The following NCR1 variants were observed in gnomAD, a reference collection of about 807,000 sequenced individuals.
NCR1 encodes the protein NK cell-activating receptor.
Under a neutral mutation model 32.5 loss-of-function variants are expected in NCR1, and 30 were observed. The ratio of observed to expected loss-of-function variants is 0.92; its 90% confidence interval spans 0.69 to 1.25. The LOEUF (loss-of-function observed/expected upper bound fraction) is 1.25. Among genes scored for constraint, NCR1 ranks in the 50% most tolerant of loss-of-function variants. The pLI, the probability that NCR1 is intolerant of heterozygous loss-of-function variation, is 0.00. For missense variants in NCR1, 369 were observed against 380.7 expected (o/e 0.97, Z 0.26); for synonymous variants, 169 against 143.4 (o/e 1.18, Z -1.28).
At chr19:54,911,714 T>C (rs944543639) in intron 5 of NCR1, among the ~76,000 whole-genome samples, 3 of 151,882 alleles carry the variant, frequency 2.0e-5, no homozygotes, top group African/African-American at 7.3e-5. Context: ...CACACCACTG[T>C]ACTCCAGCCT....
chr19:54,906,949 C>A (rs1479350553), intron 3 of NCR1, 142 bp downstream of exon 3: 3 of 988,540 alleles, frequency 3.0e-6, no homozygotes, highest in East Asian at 2.5e-5. Flanking sequence ...CATCACAATC[C>A]TTGCCTACAA....
chr19:54,912,688 A>G lies in NCR1; in HGVS notation c.734-2A>G, dbSNP rs746199555. ...GCGATCACCCTGTTCTCCTGCCTAC[A>G]GACCATGCCCTCTGGGATCACACTG... On this transcript the variant is annotated splice_acceptor_variant, in intron 6 of 6. Transcript: ENST00000291890. LOFTEE classifies it high-confidence loss of function. 6.9e-6 allele frequency: 11 copies of G among 1,605,040 alleles called. No individual in the cohort carries two copies. In the South Asian group the frequency reaches 1.2e-4, roughly 18 times the overall value.
the NCR1 span, among the ~76,000 whole-genome samples, chr19:54,925,636 C>T: frequency 6.6e-6 from 1 of 152,028 alleles, no homozygotes; most frequent in South Asian, 2.1e-4. Context: ...CACAGTGCAG[C>T]AGAGCAAAAC....
chr19:54,915,287 G>A (rs149394755), downstream of NCR1, among the ~76,000 whole-genome samples: 2 of 152,200 alleles, frequency 1.3e-5, no homozygotes, highest in Non-Finnish European at 2.9e-5. Context: ...CTTCTCACTA[G>A]GGGTCTTGAA....
chr19:54,931,180 G>A, the NCR1 span, among the ~76,000 whole-genome samples: 1 of 152,096 alleles, frequency 6.6e-6, no homozygotes, highest in Non-Finnish European at 1.5e-5. Flanking sequence ...TCACAGCAGT[G>A]GGAGGCCAAG....
Position 54,912,294 on chromosome 19 carries a change from T to C in NCR1, c.733+76T>C, listed in dbSNP as rs377545424. ...AGTAGACCTAGGAAGGGAATCTAAA[T>C]GGGAACAAGAGGGTGTCCTTGGCCA... On this transcript the variant is annotated intron_variant, in intron 6 of 6. Transcript: ENST00000291890. 1.3e-5 allele frequency: 19 copies of C among 1,451,794 alleles called. No individual in the cohort carries two copies. The African/African-American group carries it at 1.5e-4, about 12-fold the overall frequency. 89.9% of individuals were successfully genotyped at this position (1,451,794 alleles called of 1,614,324 possible).
the NCR1 span, among the ~76,000 whole-genome samples, chr19:54,901,123 GAA>G: frequency 2.0e-5 from 2 of 101,568 alleles, no homozygotes; most frequent in Non-Finnish European, 3.7e-5. Flanking sequence ...TCTCTACTTT[GAA>G]AAAAAAAAAA....
the NCR1 span, among the ~76,000 whole-genome samples, chr19:54,925,230 G>A: frequency 2.0e-5 from 3 of 152,086 alleles, no homozygotes; most frequent in African/African-American, 7.2e-5. Flanking sequence ...AGACCACAGG[G>A]GGCTAGAGAT....
At chr19:54,903,340 A>G (rs1372976520), upstream of NCR1, among the ~76,000 whole-genome samples, 1 of 123,528 alleles carries the variant, frequency 8.1e-6, no homozygotes, top group African/African-American at 3.2e-5. Context: ...ATGTATGTAT[A>G]TACATATATG....
At chr19:54,908,641 G>A (rs1459736827) in intron 3 of NCR1, among the ~76,000 whole-genome samples, 4 of 138,998 alleles carry the variant, frequency 2.9e-5, no homozygotes, top group Admixed American at 8.0e-5. Flanking sequence ...CGGACGGGGC[G>A]GCTGGCCGGG....
At chr19:54,906,447 G>C (rs916041466) in intron 2 of NCR1, 76 bp from the exon 3 acceptor site, 84 of 1,599,634 alleles carry the variant, frequency 5.3e-5, no homozygotes, top group Non-Finnish European at 6.7e-5. Context: ...GGAGAGCTTG[G>C]GGCCAGCAGC....
the NCR1 span, among the ~76,000 whole-genome samples, chr19:54,925,721 G>A: frequency 4.6e-5 from 7 of 152,148 alleles, no homozygotes; most frequent in Admixed American, 2.0e-4. Flanking sequence ...CACTGAGGCC[G>A]GGCGCGGTGG....
Position 54,909,356 on chromosome 19 carries a change from T to C in NCR1, c.467T>C (p.Leu156Pro). Residue 156 changes from leucine (L) to proline (P), a missense_variant, in exon 4 of 7, where the codon CTC becomes CCC. Physicochemically the swap from Leu to Pro is moderately conservative, Grantham distance 98. Coordinates refer to ENST00000291890, the MANE Select transcript of NCR1 (RefSeq NM_004829.7). ...ACTGCAACAAGCATGTTCTTACTGC[T>C]CAAGGAGGGAAGATCCAGCCACGTA... Reference protein sequence around the residue: ...LDTATSMFLLLKEGRSSHVQR... With the variant: ...LDTATSMFLLPKEGRSSHVQR... 1.2e-6 allele frequency: 2 copies of C among 1,613,918 alleles called. No individual in the cohort carries two copies. The highest frequency in any genetic ancestry group is 1.7e-6 in the Non-Finnish European group (2 of 1,179,952).
chr19:54,919,725 C>CCA (rs1556721757), downstream of NCR1, among the ~76,000 whole-genome samples: 1,715 of 145,344 alleles, frequency 0.012, 101 homozygotes, highest in East Asian at 0.089. Context: ...CCCCCCCCCC[C>CCA]ACCCGCTGCC....
At position 54,913,055 on chromosome 19, in the gene NCR1, C is replaced by CT. The variant is rs200118432; in HGVS notation, c.*199dup. On this transcript the variant is annotated 3_prime_UTR_variant, in exon 7 of 7. Transcript: ENST00000291890. The stretch of plus-strand genomic sequence containing the variant: ...GGTGGGAGAACTACATGCTAAATTT[C>CT]TTTTTTTTTTTTTTTGAGACAGAGT... The CT allele has an allele frequency of 0.053, 22,772 of 427,590 alleles. 23 individuals carry two copies. Among genetic ancestry groups the CT allele is most frequent in the Non-Finnish European group, 0.07 (16,904 of 242,846 alleles). The allele number at this position is 427,590 out of a possible 1,614,324, so 26.5% of individuals were successfully genotyped here. A position where few individuals can be genotyped will look rare whatever the true frequency, so the allele number is the denominator to read the frequency against.
upstream of NCR1, among the ~76,000 whole-genome samples, chr19:54,903,392 A>ACATGTATATATACATG (rs2067350755): frequency 7.5e-6 from 1 of 132,626 alleles, no homozygotes; most frequent in African/African-American, 3.1e-5. Flanking sequence ...GTATATACAT[A>ACATGTATATATACATG]TATGTATATG....
chr19:54,918,627 C>T (rs1041480277), downstream of NCR1, among the ~76,000 whole-genome samples: 27 of 152,044 alleles, frequency 1.8e-4, no homozygotes, highest in African/African-American at 6.3e-4. Flanking sequence ...TTCTGAGACT[C>T]TGAAGCCCAT....
At chr19:54,909,095 G>A (rs183227226) in intron 3 of NCR1, 150 bp from the exon 4 acceptor site, 129 of 683,952 alleles carry the variant, frequency 1.9e-4, no homozygotes, top group Admixed American at 2.4e-4. Flanking sequence ...GCTTGAACCC[G>A]GGAGGCGGAG....
intron 4 of NCR1, 122 bp downstream of exon 4, chr19:54,909,645 G>A: frequency 8.2e-7 from 1 of 1,225,022 alleles, no homozygotes; most frequent in Non-Finnish European, 1.1e-6. Context: ...TGCCTGGTTG[G>A]TCATGTGAGG....
Sources: gnomAD v4.1 joint callset for allele counts (sites outside exome capture counted in the v4.1 genomes callset) on GRCh38, gnomAD v4.1.1 for gene constraint, MANE v1.5 for transcripts, NCBI Gene and HGNC (gene_info 2026-07-23, HGNC 2026-07-21) for gene names.